Variants in IFNAR2 observed in about 807,000 individuals in gnomAD.
IFNAR2 encodes interferon alpha/beta receptor 2.
Under a neutral mutation model 49.4 loss-of-function variants are expected in IFNAR2, and 30 were observed. The observed-to-expected ratio is 0.61, with a 90% CI of 0.45 to 0.82. The LOEUF is 0.82. IFNAR2 is among the 40% of genes least tolerant of loss of function. The pLI, the probability that IFNAR2 is intolerant of heterozygous loss-of-function variation, is 0.00. For synonymous variants in IFNAR2, 224 were observed against 234.5 expected, an observed-to-expected ratio of 0.96 and a Z score of 0.41; for missense variants, 600 against 622.7, an observed-to-expected ratio of 0.96 and a Z score of 0.39.
At position 33,263,345 on chromosome 21, in the gene IFNAR2, G is replaced by A; in HGVS notation, c.1393G>A (p.Val465Met). ...EMVDPEDPDN[V>M]QSNHLLASGE... ...GGTTGACCCAGAGGATCCTGATAAT[G>A]TGCAATCAAACCATTTGCTGGCCAG... Residue 465 changes from valine (V) to methionine (M), a missense_variant, in exon 9 of 9, where the codon GTG becomes ATG. By Grantham distance (21) the Val-to-Met change is conservative (BLOSUM62 1). Coordinates refer to ENST00000342136, the MANE Select transcript of IFNAR2 (RefSeq NM_001289125.3). 2 of 1,614,170 alleles carry A rather than the reference G, an allele frequency of 1.2e-6. No homozygotes were observed. Among genetic ancestry groups the A allele is most frequent in the Non-Finnish European group, 1.7e-6 (2 of 1,180,024 alleles).
At chr21:33,260,249 G>A (rs931885505) in intron 7 of IFNAR2, among the ~76,000 whole-genome samples, 3 of 152,142 alleles carry the variant, frequency 2.0e-5, no homozygotes, top group Non-Finnish European at 2.9e-5. Context: ...TGTGGCTACC[G>A]AACGTTTGAG....
Position 33,248,858 on chromosome 21 carries a change from A to C in IFNAR2, c.540+4A>C. On this transcript the variant is annotated splice_donor_region_variant and intron_variant, in intron 6 of 8. Coordinates refer to ENST00000342136, the MANE Select transcript of IFNAR2 (RefSeq NM_001289125.3). Reference sequence around the variant, plus strand: ...GTCAGAGGGAATTGTTAAGAAGGTAAGTGGCTTCTCCTGTTAGGATCAAAA... The same window carrying C: ...GTCAGAGGGAATTGTTAAGAAGGTACGTGGCTTCTCCTGTTAGGATCAAAA... The C allele has an allele frequency of 1.3e-6, 2 of 1,590,822 alleles. No homozygotes were observed. The highest frequency in any genetic ancestry group is 1.7e-6 in the Non-Finnish European group (2 of 1,167,778).
At chr21:33,237,864 C>T (rs775779075) in intron 1 of IFNAR2, among the ~76,000 whole-genome samples, 1 of 152,092 alleles carries the variant, frequency 6.6e-6, no homozygotes, top group Admixed American at 6.5e-5. Flanking sequence ...GCTTGAACTT[C>T]GTCTTGTGAA....
rs1178431996 is a variant in IFNAR2 at position 33,245,075 on chromosome 21, G to T, written c.221+1G>T. On this transcript the variant is annotated splice_donor_variant, in intron 4 of 8. Transcript: ENST00000342136. LOFTEE classifies it high-confidence loss of function. ...ATACATTGCTGTATACAATCATGAG[G>T]TTGGTTTGATATTTCATTTTCTCTT... 2 of 1,606,762 alleles carry T rather than the reference G, an allele frequency of 1.2e-6. No individual in the cohort carries two copies. The highest frequency in any genetic ancestry group is 3.3e-5 in the Admixed American group (2 of 59,948).
At chr21:33,232,508 C>T (rs1306253742) in intron 1 of IFNAR2, among the ~76,000 whole-genome samples, 1 of 152,034 alleles carries the variant, frequency 6.6e-6, no homozygotes, top group Non-Finnish European at 1.5e-5. Context: ...AGATATCCAT[C>T]AGCATTGTCA....
chr21:33,230,036 C>G lies in IFNAR2; in HGVS notation c.-264C>G. 1 of 985,754 alleles carries G rather than the reference C, an allele frequency of 1.0e-6. No homozygotes were observed. Among genetic ancestry groups the G allele is most frequent in the Non-Finnish European group, 1.2e-6 (1 of 830,012 alleles). The allele number at this position is 985,754 out of a possible 1,614,324, so 61.1% of individuals were successfully genotyped here. A position where few individuals can be genotyped will look rare whatever the true frequency, so the allele number is the denominator to read the frequency against. On this transcript the variant is annotated 5_prime_UTR_variant, in exon 1 of 9. Coordinates refer to ENST00000342136, the MANE Select transcript of IFNAR2 (RefSeq NM_001289125.3). This position sits in a 1 kb window ranked among gnomAD's most constrained non-coding sequence, Gnocchi z 5.5. The stretch of plus-strand genomic sequence containing the variant: ...CCCGCCGGCGAGCCGAACAGTTCCC[C>G]GAGCGCAGCCCGCGGACCACCACCC...
intron 1 of IFNAR2, among the ~76,000 whole-genome samples, chr21:33,235,143 G>A (rs1237101346): frequency 6.6e-6 from 1 of 152,182 alleles, no homozygotes; most frequent in Non-Finnish European, 1.5e-5. Context: ...TAAGCAGTGA[G>A]GACAGTTTTG....
At chr21:33,246,453 TTATG>T (rs1408328731) in intron 4 of IFNAR2, among the ~76,000 whole-genome samples, 1 of 152,162 alleles carries the variant, frequency 6.6e-6, no homozygotes, top group Non-Finnish European at 1.5e-5. Flanking sequence ...GGAGCAGACA[TTATG>T]TAAATGGAGA....
chr21:33,247,254 C>CTTTTTTTTTTTTTTTTTT (rs59707670), intron 5 of IFNAR2, among the ~76,000 whole-genome samples: 38 of 91,552 alleles, frequency 4.2e-4, no homozygotes, highest in Non-Finnish European at 5.1e-4. Flanking sequence ...TTCTTTCTTT[C>CTTTTTTTTTTTTTTTTTT]TTTTTTTTTT....
At chr21:33,244,886 T>G (rs1401386706) in intron 3 of IFNAR2, 65 bp from the exon 4 acceptor site, 2 of 1,555,926 alleles carry the variant, frequency 1.3e-6, no homozygotes, top group African/African-American at 2.7e-5. Flanking sequence ...AAGAAATGAC[T>G]GAACAGTGGC....
chr21:33,238,679 TG>T (rs1419478584), intron 1 of IFNAR2, among the ~76,000 whole-genome samples: 2 of 132,162 alleles, frequency 1.5e-5, no homozygotes, highest in Non-Finnish European at 3.3e-5. Context: ...TTGGGGGGGT[TG>T]TTTTTTTTAA....
At chr21:33,245,124 A>G in intron 4 of IFNAR2, 50 bp downstream of exon 4, 1 of 1,351,802 alleles carries the variant, frequency 7.4e-7, no homozygotes, top group Non-Finnish European at 1.1e-6. Flanking sequence ...TTGTTCTGTT[A>G]TATGGGGAGA....
chr21:33,246,037 G>A (rs374410680), intron 4 of IFNAR2, among the ~76,000 whole-genome samples: 1 of 151,692 alleles, frequency 6.6e-6, no homozygotes, highest in Non-Finnish European at 1.5e-5. Flanking sequence ...CACCATGAGG[G>A]CCCAAGTTTC....
chr21:33,262,954 CGGT>C lies in IFNAR2; in HGVS notation c.1005_1007del (p.Gly336del). ...CTGAGGCAGCGCCCAGGACAAGTGG[CGGT>C]GGCTATACCATGCATGGACTGACTG... On this transcript the variant is annotated inframe_deletion, in exon 9 of 9. Coordinates refer to ENST00000342136, the MANE Select transcript of IFNAR2 (RefSeq NM_001289125.3). 6.2e-7 allele frequency: 1 copy of C among 1,614,096 alleles called. No individual in the cohort carries two copies. Among genetic ancestry groups the C allele is most frequent in the South Asian group, 1.1e-5 (1 of 91,086 alleles).
intron 7 of IFNAR2, among the ~76,000 whole-genome samples, chr21:33,253,537 C>A (rs1401856561): frequency 6.6e-6 from 1 of 152,090 alleles, no homozygotes; most frequent in African/African-American, 2.4e-5. Context: ...GGAAAGAGGT[C>A]CCAATCCATA....
intron 2 of IFNAR2, 80 bp downstream of exon 2, chr21:33,242,057 C>T: frequency 7.2e-7 from 1 of 1,381,406 alleles, no homozygotes; most frequent in Non-Finnish European, 1.0e-6. Context: ...CAGGAAGTCG[C>T]AAACTCATTT....
At chr21:33,236,674 C>T (rs957200289) in intron 1 of IFNAR2, 9 of 985,090 alleles carry the variant, frequency 9.1e-6, no homozygotes, top group Middle Eastern at 5.2e-4. Context: ...CCAGACAGGG[C>T]CTGGGATTCC....
rs1988878334 is a variant in IFNAR2 at position 33,265,071 on chromosome 21, C to T, written c.*1571C>T. On this transcript the variant is annotated 3_prime_UTR_variant, in exon 9 of 9. Transcript: ENST00000342136. ...GGACTGGGACTCAGGGATCCAACTC[C>T]CACAGTTTCCCTGTGTGACCCTAGG... The T allele has an allele frequency of 6.6e-6, 1 of 152,250 alleles. No homozygotes were observed. The highest frequency in any genetic ancestry group is 1.5e-5 in the Non-Finnish European group (1 of 68,010). The allele number at this position is 152,250 out of a possible 1,614,324, so 9.4% of individuals were successfully genotyped here.
rs749748756 is a variant in IFNAR2 at position 33,244,982 on chromosome 21, A to G, written c.129A>G (p.Ile43Met). The change falls in exon 4 of 9, where the codon ATA (isoleucine) becomes ATG (methionine). Residue 43 changes from isoleucine to methionine, a missense_variant. Ile to Met is a conservative substitution (Grantham distance 10). Coordinates refer to ENST00000342136, the MANE Select transcript of IFNAR2 (RefSeq NM_001289125.3). ...DYTDESCTFKISLRNFRSILS... is the reference protein window; with the variant it reads ...DYTDESCTFKMSLRNFRSILS... ...CAGATGAATCTTGCACTTTCAAGAT[A>G]TCATTGCGAAATTTCCGGTCCATCT... The G allele has an allele frequency of 3.7e-6, 6 of 1,612,472 alleles. No homozygotes were observed. Among genetic ancestry groups the G allele is most frequent in the Non-Finnish European group, 5.1e-6 (6 of 1,178,472 alleles).
Sources: allele counts gnomAD v4.1 joint callset (sites outside exome capture counted in the v4.1 genomes callset), GRCh38; gene constraint gnomAD v4.1.1; non-coding constraint Gnocchi (gnomAD v3.1); transcripts MANE v1.5; gene names NCBI Gene and HGNC (gene_info 2026-07-23, HGNC 2026-07-21).